AP3B2: variants seen among roughly 807,000 people sequenced by gnomAD.
AP3B2 encodes adaptor related protein complex 3 subunit beta 2, also known as AP-3 complex subunit beta-2.
In AP3B2, 50 loss-of-function variants were observed where a neutral mutation model predicts 126.9. The observed-to-expected ratio is 0.39, with a 90% CI of 0.31 to 0.50. The LOEUF is 0.50. AP3B2 is among the 20% of genes least tolerant of loss of function. The probability of loss-of-function intolerance (pLI) is 0.79; values close to 1 mark genes in which losing one functional copy is unlikely to be tolerated. For synonymous variants in AP3B2, 541 were observed against 565.0 expected, an observed-to-expected ratio of 0.96 and a Z score of 0.60; for missense variants, 1,177 against 1,426.4, an observed-to-expected ratio of 0.83 and a Z score of 2.82.
intron 1 of AP3B2, among the ~76,000 whole-genome samples, chr15:82,706,733 G>A (rs973651542): frequency 4.6e-5 from 7 of 152,010 alleles, no homozygotes; most frequent in Non-Finnish European, 7.4e-5. Context: ...CTATTCTTTC[G>A]TCATTTCATA....
Position 82,665,402 on chromosome 15 carries a change from C to CTTCA in AP3B2, c.1971+54_1971+55insTGAA. 83 of 391,428 alleles carry CTTCA rather than the reference C, an allele frequency of 2.1e-4. No homozygotes were observed. The highest frequency in any genetic ancestry group is 3.0e-4 in the Non-Finnish European group (75 of 251,264). 24.2% of individuals were successfully genotyped at this position (391,428 alleles called of 1,614,324 possible). On this transcript the variant is annotated intron_variant, in intron 16 of 26. Coordinates refer to ENST00000535359, the MANE Select transcript of AP3B2 (RefSeq NM_001278512.2). The surrounding 1 kb of genome is among the most constrained non-coding windows in gnomAD (Gnocchi z 4.4). ...ACACACACACACACACACACACACA[C>CTTCA]ACACACACACACACACACACACACA...
chr15:82,705,335 C>A (rs2048780425), intron 1 of AP3B2, among the ~76,000 whole-genome samples: 1 of 152,100 alleles, frequency 6.6e-6, no homozygotes, highest in Non-Finnish European at 1.5e-5. Flanking sequence ...TACAATTCCC[C>A]CATTTTACCT....
chr15:82,705,109 C>T (rs2048777007), intron 1 of AP3B2, among the ~76,000 whole-genome samples: 1 of 152,090 alleles, frequency 6.6e-6, no homozygotes, highest in African/African-American at 2.4e-5. Context: ...TCCTTCACAT[C>T]CTCCCCTTGT....
chr15:82,667,015 C>CT, intron 14 of AP3B2, 82 bp from the exon 15 acceptor site: 2 of 1,419,400 alleles, frequency 1.4e-6, no homozygotes, highest in Admixed American at 3.9e-5. Flanking sequence ...TAAGCCGACA[C>CT]TTTCAGGCAG....
At chr15:82,693,172 A>G (rs1454378152) in intron 1 of AP3B2, among the ~76,000 whole-genome samples, 1 of 151,736 alleles carries the variant, frequency 6.6e-6, no homozygotes, top group South Asian at 2.1e-4. Context: ...TTACGAACCA[A>G]TAAGAATCTC....
Position 82,681,097 on chromosome 15 carries a change from C to T in AP3B2, c.588+15G>A, listed in dbSNP as rs2151441370. 1.2e-6 allele frequency: 2 copies of T among 1,613,558 alleles called. No individual in the cohort carries two copies. The highest frequency in any genetic ancestry group is 1.7e-6 in the Non-Finnish European group (2 of 1,179,760). ...GCCGGTCACCACCCCTCCCGGAGCG[C>T]CCCTATACACGCACCGTGGTCTTGT... On this transcript the variant is annotated intron_variant, in intron 6 of 26. Coordinates refer to ENST00000535359, the MANE Select transcript of AP3B2 (RefSeq NM_001278512.2). The surrounding 1 kb of genome is among the most constrained non-coding windows in gnomAD (Gnocchi z 4.0).
chr15:82,659,903 T>C lies in AP3B2; in HGVS notation c.3097A>G (p.Lys1033Glu). The C allele has an allele frequency of 6.2e-6, 10 of 1,614,008 alleles. No homozygotes were observed. Among genetic ancestry groups the C allele is most frequent in the Non-Finnish European group, 8.5e-6 (10 of 1,179,882 alleles). ...TCRSDHIVVQ[K>E]VTATANLGRV... ...CCCAGGTTGGCAGTGGCAGTCACTT[T>C]CTGCACCACAATGTGGTCACTCCGA... The change falls in exon 26 of 27, where the codon AAA becomes GAA. Residue 1033 changes from lysine (K) to glutamate (E), a missense_variant. By Grantham distance (56) the Lys-to-Glu change is moderately conservative. Transcript: ENST00000535359.
At position 82,705,628 on chromosome 15, in the gene AP3B2, C is replaced by T. The variant is rs140881134; in HGVS notation, c.113+3966G>A. Among the ~76,000 whole-genome samples, 245 of 152,308 alleles carry T rather than the reference C, an allele frequency of 1.6e-3. 1 individual carries two copies. Among genetic ancestry groups the T allele is most frequent in the Non-Finnish European group, 2.9e-3 (198 of 68,032 alleles). On this transcript the variant is annotated intron_variant, in intron 1 of 26. Coordinates refer to ENST00000535359, the MANE Select transcript of AP3B2 (RefSeq NM_001278512.2). ...TAGGCTGTACTGCCGCAAGGCTTCACGGACAGCCCCCATTACTTCAGTCAA... is the reference window on the plus strand; with the variant it reads ...TAGGCTGTACTGCCGCAAGGCTTCATGGACAGCCCCCATTACTTCAGTCAA...
intron 12 of AP3B2, 81 bp from the exon 13 acceptor site, chr15:82,677,464 C>G: frequency 7.0e-7 from 1 of 1,426,402 alleles, no homozygotes; most frequent in Admixed American, 1.9e-5. Flanking sequence ...TGCAGTGCCC[C>G]AGGCCCTTGG....
chr15:82,665,375 CAACACACACACACACACACACACACACA>C lies in AP3B2; in HGVS notation c.1971+54_1972-73del. The C allele has an allele frequency of 7.9e-7, 1 of 1,269,220 alleles. No individual in the cohort carries two copies. The highest frequency in any genetic ancestry group is 1.1e-6 in the Non-Finnish European group (1 of 915,194). 78.6% of individuals were successfully genotyped at this position (1,269,220 alleles called of 1,614,324 possible). Reference sequence around the variant, plus strand: ...AGGGCTCCCTACTGTCTGCCCCCACCAACACACACACACACACACACACACACACACACACACACACACACACACACAC... The same window carrying C: ...AGGGCTCCCTACTGTCTGCCCCCACCCACACACACACACACACACACACAC... On this transcript the variant is annotated intron_variant, in intron 16 of 26. Transcript: ENST00000535359. This position sits in a 1 kb window ranked among gnomAD's most constrained non-coding sequence, Gnocchi z 4.4.
chr15:82,709,422 G>T (rs984059440), intron 1 of AP3B2, among the ~76,000 whole-genome samples, 172 bp downstream of exon 1: 1 of 150,970 alleles, frequency 6.6e-6, no homozygotes, highest in African/African-American at 2.4e-5. Flanking sequence ...GGGTGCCAGC[G>T]CTGCCCGCGC....
chr15:82,672,897 C>T (rs1347542636), intron 14 of AP3B2, among the ~76,000 whole-genome samples: 1 of 152,180 alleles, frequency 6.6e-6, no homozygotes, highest in Non-Finnish European at 1.5e-5. Flanking sequence ...CAAGGGCAGC[C>T]CCCAGCTGAC....
chr15:82,700,356 C>G (rs895792564), intron 1 of AP3B2, among the ~76,000 whole-genome samples: 2 of 145,058 alleles, frequency 1.4e-5, no homozygotes, highest in African/African-American at 5.0e-5. Flanking sequence ...CCCTCTTGTC[C>G]CACTGGTCTC....
chr15:82,667,760 G>T (rs1352678815), intron 14 of AP3B2, among the ~76,000 whole-genome samples: 1 of 152,118 alleles, frequency 6.6e-6, no homozygotes, highest in Non-Finnish European at 1.5e-5. Context: ...CCATTTTACA[G>T]AAAAGAAGCA....
rs2048020967 is a variant in AP3B2, at chr15:82,664,714, A to C, written c.2137+121T>G. Reference sequence around the variant, plus strand: ...GGAACATGAATCCCTCAGGTGCACAAACAATTCACAAGCAGGTGCACACCC... The same window carrying C: ...GGAACATGAATCCCTCAGGTGCACACACAATTCACAAGCAGGTGCACACCC... On this transcript the variant is annotated intron_variant, in intron 18 of 26. Coordinates refer to ENST00000535359, the MANE Select transcript of AP3B2 (RefSeq NM_001278512.2). This position sits in a 1 kb window ranked among gnomAD's most constrained non-coding sequence, Gnocchi z 4.5. 17 of 937,334 alleles carry C rather than the reference A, an allele frequency of 1.8e-5. No homozygotes were observed. The highest frequency in any genetic ancestry group is 2.7e-5 in the Non-Finnish European group (17 of 623,996). The allele number at this position is 937,334 out of a possible 1,614,324, so 58.1% of individuals were successfully genotyped here. A position where few individuals can be genotyped will look rare whatever the true frequency, so the allele number is the denominator to read the frequency against.
intron 24 of AP3B2, 79 bp downstream of exon 24, chr15:82,662,089 C>T (rs745880781): frequency 4.0e-5 from 57 of 1,421,502 alleles, no homozygotes; most frequent in Non-Finnish European, 5.5e-5. Flanking sequence ...CCACTAAGCA[C>T]CACCTCCATT....
rs1567255028 is a variant in AP3B2 at position 82,662,859 on chromosome 15, G to C, written c.2668C>G (p.Leu890Val). Residue 890 changes from leucine to valine, a missense_variant, in exon 23 of 27, where the codon CTG becomes GTG. Leu to Val is a conservative substitution (Grantham distance 32). Transcript: ENST00000535359. ...CGGCTGAAGGTGTAGTCCACAGCCA[G>C]CCCCTCGCCAGCTACCCGGTGCAGC... is the stretch of plus-strand genomic sequence containing the variant. ...ELLHRVAGEG[L>V]AVDYTFSRQP... 4.3e-6 allele frequency: 7 copies of C among 1,613,526 alleles called. No individual in the cohort carries two copies. The highest frequency in any genetic ancestry group is 2.7e-5 in the African/African-American group (2 of 74,902).
intron 1 of AP3B2, among the ~76,000 whole-genome samples, chr15:82,696,608 T>C (rs779129585): frequency 1.3e-5 from 2 of 152,084 alleles, no homozygotes; most frequent in African/African-American, 2.4e-5. Flanking sequence ...CTGATATACA[T>C]GTATAAGGTC....
chr15:82,704,013 A>C (rs1216970653), intron 1 of AP3B2, among the ~76,000 whole-genome samples: 1 of 152,118 alleles, frequency 6.6e-6, no homozygotes, highest in Non-Finnish European at 1.5e-5. Flanking sequence ...TTGTTCTGCG[A>C]CTAGCCCTCC....
Sources: gnomAD v4.1 joint callset for allele counts (sites outside exome capture counted in the v4.1 genomes callset) on GRCh38, gnomAD v4.1.1 for gene constraint, Gnocchi (gnomAD v3.1) non-coding constraint, MANE v1.5 for transcripts, NCBI Gene and HGNC (gene_info 2026-07-23, HGNC 2026-07-21) for gene names.